The following RALYL variants were observed in gnomAD, a reference collection of about 807,000 sequenced individuals.
RALYL encodes RALY RNA binding protein like, also known as RNA-binding Raly-like protein.
Under a neutral mutation model 35.1 loss-of-function variants are expected in RALYL, and 29 were observed. The observed-to-expected ratio is 0.83, with a 90% CI of 0.61 to 1.13. RALYL has a LOEUF of 1.13. Among genes scored for constraint, RALYL ranks in the 50% most tolerant of loss-of-function variants. RALYL has a pLI of 0.00. For missense variants in RALYL, 359 were observed against 360.4 expected, an observed-to-expected ratio of 1.00 and a Z score of 0.03; for synonymous variants, 120 against 127.6, an observed-to-expected ratio of 0.94 and a Z score of 0.40.
intron 2 of RALYL, among the ~76,000 whole-genome samples, chr8:84,713,252 G>A (rs1292144840): frequency 6.6e-6 from 1 of 151,962 alleles, no homozygotes; most frequent in African/African-American, 2.4e-5. Flanking sequence ...TGGTAGATCA[G>A]TTGACTAAAA....
At chr8:84,685,107 C>T (rs1337349430) in intron 2 of RALYL, among the ~76,000 whole-genome samples, 1 of 152,078 alleles carries the variant, frequency 6.6e-6, no homozygotes, top group African/African-American at 2.4e-5. Context: ...CTCATTACCT[C>T]CCAAAGGCCC....
chr8:84,617,865 C>T (rs1190728954), intron 2 of RALYL, among the ~76,000 whole-genome samples: 3 of 151,692 alleles, frequency 2.0e-5, no homozygotes, highest in Non-Finnish European at 4.4e-5. Context: ...TGGTTTTTGT[C>T]TTTGGCTCTG....
intron 2 of RALYL, among the ~76,000 whole-genome samples, chr8:84,753,263 C>T (rs963653349): frequency 6.6e-5 from 10 of 152,144 alleles, no homozygotes; most frequent in African/African-American, 2.4e-4. Flanking sequence ...GCAATGTTTA[C>T]CCAACTCTTG....
chr8:84,597,511 G>T (rs1442565881), intron 2 of RALYL, among the ~76,000 whole-genome samples: 1 of 151,948 alleles, frequency 6.6e-6, no homozygotes, highest in East Asian at 1.9e-4. Context: ...ACTGTAATAG[G>T]TTTCTGTGAC....
chr8:84,341,040 G>T (rs1848691201), intron 1 of RALYL, among the ~76,000 whole-genome samples: 2 of 151,704 alleles, frequency 1.3e-5, no homozygotes, highest in Admixed American at 6.6e-5. Context: ...TTGTGGTTTT[G>T]ATTTACGTTT....
chr8:84,537,764 T>C (rs930783789), intron 2 of RALYL, among the ~76,000 whole-genome samples: 2 of 152,202 alleles, frequency 1.3e-5, no homozygotes, highest in African/African-American at 4.8e-5. Flanking sequence ...GGAAGTTAGA[T>C]AGTAGATTTA....
intron 1 of RALYL, among the ~76,000 whole-genome samples, chr8:84,471,439 A>C (rs1360609115): frequency 1.3e-5 from 2 of 151,838 alleles, no homozygotes; most frequent in East Asian, 1.9e-4. Flanking sequence ...AAAAAAAAAA[A>C]AAAACTTAGC....
Position 84,887,752 on chromosome 8 carries a change from C to T in RALYL, c.834C>T (p.Phe278=), listed in dbSNP as rs141463549. 6 of 1,613,374 alleles carry T rather than the reference C, an allele frequency of 3.7e-6. No homozygotes were observed. The African/African-American group carries it at 4.0e-5, about 11-fold the overall frequency. ...EEMTDGIEED[F]DEDGGHELFL... ...TGACAGATGGGATAGAGGAGGACTT[C>T]GATGAAGATGGGGGTCATGAGCTGG... Residue 278 remains phenylalanine, a synonymous_variant, in exon 8 of 9, where the codon TTC becomes TTT. Transcript: ENST00000521268.
intron 2 of RALYL, among the ~76,000 whole-genome samples, chr8:84,665,161 T>C (rs1245356947): frequency 6.6e-6 from 1 of 152,168 alleles, no homozygotes; most frequent in African/African-American, 2.4e-5. Flanking sequence ...CAACCTTGCA[T>C]GAAGTCTCTT....
At chr8:84,618,107 T>C (rs2131002885) in intron 2 of RALYL, among the ~76,000 whole-genome samples, 1 of 151,980 alleles carries the variant, frequency 6.6e-6, no homozygotes, top group South Asian at 2.1e-4. Flanking sequence ...GCTGGCCTCA[T>C]AAAATGAGTT....
At chr8:84,508,449 T>C (rs140982004) in intron 1 of RALYL, among the ~76,000 whole-genome samples, 106 of 152,190 alleles carry the variant, frequency 7.0e-4, no homozygotes, top group Non-Finnish European at 1.2e-3. Context: ...GCACCAACAA[T>C]ACAAGTTCCA....
At chr8:84,911,472 T>C (rs908105112) in intron 8 of RALYL, among the ~76,000 whole-genome samples, 6 of 152,080 alleles carry the variant, frequency 3.9e-5, no homozygotes, top group African/African-American at 1.4e-4. Flanking sequence ...TGGTGAAAAA[T>C]ATACTGATAT....
At chr8:84,897,752 T>C (rs1459688881) in intron 8 of RALYL, among the ~76,000 whole-genome samples, 8 of 152,202 alleles carry the variant, frequency 5.3e-5, no homozygotes, top group African/African-American at 1.7e-4. Context: ...AAAGAATTTT[T>C]AATTAAATAA....
intron 1 of RALYL, among the ~76,000 whole-genome samples, chr8:84,329,778 A>G (rs1846479616): frequency 6.6e-6 from 1 of 152,078 alleles, no homozygotes; most frequent in Non-Finnish European, 1.5e-5. Context: ...ATAATTTCCT[A>G]TCAATTCCTT....
chr8:84,865,546 C>A (rs900990748), intron 6 of RALYL, among the ~76,000 whole-genome samples: 1 of 152,116 alleles, frequency 6.6e-6, no homozygotes, highest in African/African-American at 2.4e-5. Context: ...CATTTCTGTC[C>A]CTTTTAAAAT....
At chr8:84,487,179 C>A (rs542657314) in intron 1 of RALYL, among the ~76,000 whole-genome samples, 220 of 151,948 alleles carry the variant, frequency 1.4e-3, no homozygotes, top group Non-Finnish European at 2.9e-3. Flanking sequence ...CAGTTTGAAA[C>A]TAATAAGCAA....
At chr8:84,680,943 G>A (rs1013095118) in intron 2 of RALYL, among the ~76,000 whole-genome samples, 11 of 151,870 alleles carry the variant, frequency 7.2e-5, no homozygotes, top group African/African-American at 2.7e-4. Context: ...TGTCCTGAAT[G>A]GTAATGCCTA....
intron 3 of RALYL, among the ~76,000 whole-genome samples, chr8:84,783,239 G>T (rs907556446): frequency 2.6e-5 from 4 of 152,050 alleles, no homozygotes; most frequent in Non-Finnish European, 2.9e-5. Flanking sequence ...TCATACTGTT[G>T]GGGAAATGTA....
At chr8:84,676,766 A>AT (rs1463776865) in intron 2 of RALYL, among the ~76,000 whole-genome samples, 1 of 151,866 alleles carries the variant, frequency 6.6e-6, no homozygotes, top group East Asian at 1.9e-4. Flanking sequence ...CTTTCAAAAT[A>AT]TTTTTTATTG....
Sources: allele counts gnomAD v4.1 joint callset (sites outside exome capture counted in the v4.1 genomes callset), GRCh38; gene constraint gnomAD v4.1.1; transcripts MANE v1.5; gene names NCBI Gene and HGNC (gene_info 2026-07-23, HGNC 2026-07-21).